The following PCDH15 variants were observed in gnomAD, a reference collection of about 807,000 sequenced individuals.
PCDH15 encodes the protein protocadherin-15.
In PCDH15, 129 loss-of-function variants were observed where a neutral mutation model predicts 178.5. The ratio of observed to expected loss-of-function variants is 0.72; its 90% CI spans 0.63 to 0.84. The LOEUF is 0.84. Among genes scored for constraint, PCDH15 ranks in the 40% least tolerant of loss-of-function variants. The pLI is 0.00. For synonymous variants in PCDH15, 800 were observed against 732.0 expected (o/e 1.09, Z -1.50); for missense variants, 2,230 against 2,099.9 (o/e 1.06, Z -1.21).
At chr10:54,576,356 G>A (rs2090482591) in intron 2 of PCDH15, among the ~76,000 whole-genome samples, 2 of 152,160 alleles carry the variant, frequency 1.3e-5, no homozygotes, top group Non-Finnish European at 2.9e-5. Flanking sequence ...TAAATATTAA[G>A]TCAGAATGAA....
intron 8 of PCDH15, among the ~76,000 whole-genome samples, chr10:54,315,185 C>T (rs972161233): frequency 2.0e-5 from 3 of 152,160 alleles, no homozygotes; most frequent in Non-Finnish European, 4.4e-5. Context: ...TCTCTGCAAC[C>T]TTGCCAGCAT....
At chr10:54,353,261 TA>T (rs201134885) in intron 5 of PCDH15, among the ~76,000 whole-genome samples, 19 of 151,898 alleles carry the variant, frequency 1.3e-4, no homozygotes, top group Non-Finnish European at 2.2e-4. Flanking sequence ...CCAGAACTGA[TA>T]AAAAAAATAC....
intron 3 of PCDH15, among the ~76,000 whole-genome samples, chr10:54,385,822 GT>G (rs1949852025): frequency 6.6e-6 from 1 of 151,954 alleles, no homozygotes; most frequent in Non-Finnish European, 1.5e-5. Context: ...TATTCATTTG[GT>G]CTGTAAGATG....
chr10:54,882,297 T>C (rs1421440502), intron 3 of PCDH15, among the ~76,000 whole-genome samples: 3 of 151,980 alleles, frequency 2.0e-5, no homozygotes, highest in Non-Finnish European at 4.4e-5. Context: ...CCTGTTAGAG[T>C]TTCCCATTGT....
chr10:54,965,467 G>A (rs1205283711), intron 2 of PCDH15, among the ~76,000 whole-genome samples: 1 of 151,954 alleles, frequency 6.6e-6, no homozygotes, highest in African/African-American at 2.4e-5. Flanking sequence ...TTGACCTTCT[G>A]CCATGATTGT....
intron 9 of PCDH15, among the ~76,000 whole-genome samples, chr10:54,227,035 G>A (rs1640222602): frequency 6.6e-6 from 1 of 152,156 alleles, no homozygotes; most frequent in African/African-American, 2.4e-5. Context: ...TCGGGTGTCT[G>A]TAGTTTTTCC....
At chr10:55,374,291 G>A (rs1206065194) in intron 2 of PCDH15, among the ~76,000 whole-genome samples, 1 of 152,078 alleles carries the variant, frequency 6.6e-6, no homozygotes, top group Admixed American at 6.5e-5. Flanking sequence ...GATGTGTGCA[G>A]GCCAATGGCC....
intron 4 of PCDH15, among the ~76,000 whole-genome samples, chr10:54,369,600 T>C (rs1017833656): frequency 7.9e-5 from 12 of 152,018 alleles, no homozygotes; most frequent in African/African-American, 2.9e-4. Flanking sequence ...AGCAATAATA[T>C]AAACTTTTAA....
intron 2 of PCDH15, among the ~76,000 whole-genome samples, chr10:54,984,156 C>T (rs914913422): frequency 3.3e-5 from 5 of 152,074 alleles, no homozygotes; most frequent in Non-Finnish European, 1.5e-5. Flanking sequence ...AATACTTTAA[C>T]CTGAAGATTT....
intron 2 of PCDH15, among the ~76,000 whole-genome samples, chr10:54,960,840 A>G (rs973246294): frequency 2.6e-5 from 4 of 152,204 alleles, no homozygotes; most frequent in Non-Finnish European, 4.4e-5. Flanking sequence ...AGATAGTAAT[A>G]TATCTACAAG....
chr10:54,731,414 G>T lies in PCDH15; in HGVS notation c.-28-67124C>A, dbSNP rs141640181. ...TATGATCCAGCATTTCCACTATTAG[G>T]TATACATTCACAAAAAGGCAGTATA... On this transcript the variant is annotated intron_variant, in intron 1 of 37. Coordinates refer to ENST00000644397, the MANE Select transcript of PCDH15 (RefSeq NM_001384140.1). Among the ~76,000 whole-genome samples the T allele has an allele frequency of 6.5e-3, 966 of 149,646 alleles. 35 individuals are homozygous for T. The highest frequency in any genetic ancestry group is 0.055 in the Admixed American group (818 of 14,908).
At chr10:54,283,121 A>G (rs970531831) in intron 8 of PCDH15, among the ~76,000 whole-genome samples, 1 of 152,114 alleles carries the variant, frequency 6.6e-6, no homozygotes, top group Non-Finnish European at 1.5e-5. Flanking sequence ...GATAGCGTAG[A>G]GAAACTAAGG....
intron 3 of PCDH15, among the ~76,000 whole-genome samples, chr10:54,883,568 C>T (rs1472004793): frequency 6.6e-6 from 1 of 151,906 alleles, no homozygotes; most frequent in Non-Finnish European, 1.5e-5. Context: ...AAGAACAATT[C>T]ACCTTCATAT....
chr10:55,313,116 C>T (rs1281548414), intron 1 of PCDH15, among the ~76,000 whole-genome samples: 2 of 151,992 alleles, frequency 1.3e-5, no homozygotes, highest in African/African-American at 4.8e-5. Context: ...TAGAAAGAAG[C>T]CATAGTGCTC....
intron 1 of PCDH15, among the ~76,000 whole-genome samples, chr10:54,708,738 C>G (rs1010333758): frequency 6.6e-6 from 1 of 151,826 alleles, no homozygotes; most frequent in African/African-American, 2.4e-5. Context: ...AATTGTGCAA[C>G]CTTAAGGCTG....
intron 2 of PCDH15, among the ~76,000 whole-genome samples, chr10:55,380,436 C>T (rs1837506429): frequency 6.6e-6 from 1 of 152,076 alleles, no homozygotes; most frequent in Non-Finnish European, 1.5e-5. Context: ...GAAATAATAG[C>T]TTTTGTTCTG....
At chr10:53,836,212 C>A (rs530299779) in intron 29 of PCDH15, among the ~76,000 whole-genome samples, 3 of 152,080 alleles carry the variant, frequency 2.0e-5, no homozygotes, top group African/African-American at 7.2e-5. Flanking sequence ...TCTCTTGCAC[C>A]CAAGACCCCC....
chr10:55,009,551 AATT>A lies in PCDH15; in HGVS notation c.-79-112054_-79-112052del, dbSNP rs1488054480. Among the ~76,000 whole-genome samples, 22 of 152,168 alleles carry A rather than the reference AATT, an allele frequency of 1.4e-4. No individual in the cohort carries two copies. The East Asian group carries it at 3.9e-3, about 27-fold the overall frequency. On this transcript the variant is annotated intron_variant, in intron 2 of 5. Coordinates refer to the PCDH15 transcript ENST00000458638. ...TATCGAGACTGTAAGCAAAATTCAT[AATT>A]ATTATTATCTTTTATGATTTCTTTT...
intron 2 of PCDH15, among the ~76,000 whole-genome samples, chr10:55,573,530 A>G (rs905561536): frequency 1.3e-5 from 2 of 152,138 alleles, no homozygotes; most frequent in African/African-American, 4.8e-5. Flanking sequence ...GTCATTTGCA[A>G]CAACACAGAT....
Sources: gnomAD v4.1 joint callset for allele counts (sites outside exome capture counted in the v4.1 genomes callset) on GRCh38, gnomAD v4.1.1 for gene constraint, MANE v1.5 for transcripts, NCBI Gene and HGNC (gene_info 2026-07-23, HGNC 2026-07-21) for gene names.